Variants in LSS observed in about 807,000 individuals in gnomAD.
LSS encodes the protein lanosterol synthase, also known as 2,3-epoxysqualene-lanosterol cyclase.
LSS carries 90 observed loss-of-function variants against 110.3 expected under a neutral mutation model. The ratio of observed to expected loss-of-function variants is 0.82; its 90% CI spans 0.69 to 0.97. The LOEUF (loss-of-function observed/expected upper bound fraction) is 0.97, where lower values mean the gene tolerates loss of function less well. LSS is among the 50% of genes least tolerant of loss of function. The pLI, the probability that LSS is intolerant of heterozygous loss-of-function variation, is 0.00. For missense variants in LSS, 927 were observed against 990.0 expected (o/e 0.94, Z 0.85); for synonymous variants, 433 against 400.0 (o/e 1.08, Z -0.98).
chr21:46,199,841 A>T (rs2079957312), intron 17 of LSS, among the ~76,000 whole-genome samples: 1 of 152,236 alleles, frequency 6.6e-6, no homozygotes, highest in Admixed American at 6.5e-5. Context: ...GGGCAGTGAG[A>T]TCCTGTGTGA....
Position 46,209,682 on chromosome 21 carries a change from G to A in LSS, c.1195-57C>T, listed in dbSNP as rs1411949852. 4.0e-6 allele frequency: 6 copies of A among 1,493,556 alleles called. No homozygotes were observed. Among genetic ancestry groups the A allele is most frequent in the Non-Finnish European group, 5.5e-6 (6 of 1,087,366 alleles). The allele number at this position is 1,493,556 out of a possible 1,614,324, so 92.5% of individuals were successfully genotyped here. On this transcript the variant is annotated intron_variant, in intron 12 of 21. Transcript: ENST00000397728. The surrounding 1 kb of genome is among the most constrained non-coding windows in gnomAD (Gnocchi z 4.4). ...CTGCCCTTGCACGGCCAGCATGGCT[G>A]CGCTGGTTTCCCGATGGTCCTGGCC...
At chr21:46,218,485 G>A (rs572132087) in intron 6 of LSS, among the ~76,000 whole-genome samples, 88 of 152,048 alleles carry the variant, frequency 5.8e-4, no homozygotes, top group African/African-American at 2.0e-3. Context: ...TTAGCTGGGC[G>A]TGATGGCCTG....
chr21:46,205,457 G>C (rs1302511851), intron 17 of LSS, among the ~76,000 whole-genome samples: 1 of 152,190 alleles, frequency 6.6e-6, no homozygotes, highest in East Asian at 1.9e-4. Context: ...GTCTAATGCT[G>C]GCACTGTTCG....
rs145280705 is a variant in LSS at position 46,225,568 on chromosome 21, T to C, written c.319+1984A>G. ...CGGAGGCCTAACCATCTCCCTGTGA[T>C]GCTGTGCTTCAGTGGTCACGCTCCT... is the stretch of plus-strand genomic sequence containing the variant. On this transcript the variant is annotated intron_variant, in intron 3 of 21. Transcript: ENST00000397728. Among the ~76,000 whole-genome samples, 519 of 152,384 alleles carry C rather than the reference T, an allele frequency of 3.4e-3. 5 individuals carry two copies. The highest frequency in any genetic ancestry group is 0.012 in the African/African-American group (487 of 41,600).
At chr21:46,217,850 C>G (rs2080226650) in intron 6 of LSS, among the ~76,000 whole-genome samples, 1 of 152,168 alleles carries the variant, frequency 6.6e-6, no homozygotes. Context: ...GTCCAGCGGG[C>G]ATTTGAATGG....
chr21:46,228,627 A>T (rs759927260), intron 1 of LSS, 28 bp from the exon 2 acceptor site: 20 of 1,592,442 alleles, frequency 1.3e-5, no homozygotes, highest in Non-Finnish European at 1.7e-5. Context: ...TCAGCGACCC[A>T]GGCCCCGCCC....
rs772280727 is a variant in LSS, at chr21:46,205,935, A to G, written c.1571T>C (p.Ile524Thr). ...LLNPSEVFGDIMIDYTYVECT... is the reference protein window; with the variant it reads ...LLNPSEVFGDTMIDYTYVECT... ...CTCCACATAGGTGTAGTCAATCATG[A>G]TGTCCCCTGGGAAAGGGAGGGAAGA... The change falls in exon 17 of 22, where the codon ATC becomes ACC. Residue 524 changes from isoleucine (I) to threonine (T), a missense_variant. Coordinates refer to ENST00000397728, the MANE Select transcript of LSS (RefSeq NM_002340.6). The G allele has an allele frequency of 6.2e-7, 1 of 1,606,024 alleles. No homozygotes were observed. The highest frequency in any genetic ancestry group is 1.7e-5 in the Admixed American group (1 of 58,968).
At chr21:46,205,308 CAGG>C (rs958151329) in intron 17 of LSS, among the ~76,000 whole-genome samples, 3 of 133,084 alleles carry the variant, frequency 2.3e-5, no homozygotes, top group African/African-American at 5.8e-5. Flanking sequence ...AGCAGGAGAG[CAGG>C]AGAAGGCAAC....
intron 11 of LSS, 43 bp from the exon 12 acceptor site, chr21:46,210,787 C>G: frequency 1.3e-6 from 2 of 1,593,442 alleles, no homozygotes; most frequent in South Asian, 1.1e-5. Flanking sequence ...TGCAGCCCCT[C>G]CCACTCCCAG....
chr21:46,210,787 CCCACTCCCAG>C, intron 11 of LSS, 43 bp from the exon 12 acceptor site: 1 of 1,593,442 alleles, frequency 6.3e-7, no homozygotes, highest in Non-Finnish European at 8.6e-7. Flanking sequence ...TGCAGCCCCT[CCCACTCCCAG>C]CCACTGCCTC....
At chr21:46,202,915 T>C (rs2079998035) in intron 17 of LSS, among the ~76,000 whole-genome samples, 2 of 152,142 alleles carry the variant, frequency 1.3e-5, no homozygotes, top group South Asian at 4.1e-4. Context: ...AGCTTGGAAG[T>C]CACCAAAGAA....
At chr21:46,213,212 G>A (rs1304919560) in intron 10 of LSS, among the ~76,000 whole-genome samples, 160 bp from the exon 11 acceptor site, 1 of 152,172 alleles carries the variant, frequency 6.6e-6, no homozygotes, top group African/African-American at 2.4e-5. Context: ...CTGGGCTCCT[G>A]GGGGTGAGGG....
intron 17 of LSS, among the ~76,000 whole-genome samples, chr21:46,205,156 G>A (rs978196991): frequency 6.6e-6 from 1 of 152,204 alleles, no homozygotes; most frequent in Non-Finnish European, 1.5e-5. Flanking sequence ...GTTCACAGTA[G>A]ATGCTTCATA....
chr21:46,211,876 G>A (rs1039093201), intron 11 of LSS, among the ~76,000 whole-genome samples: 8 of 152,198 alleles, frequency 5.3e-5, no homozygotes, highest in African/African-American at 1.9e-4. Flanking sequence ...ACAACTGAAG[G>A]CCTGTGCAGG....
chr21:46,206,676 G>A lies in LSS; in HGVS notation c.1560C>T (p.Val520=), dbSNP rs2080052813. ...CAGTGCTGGCCGACCACTCACCGAAGACCTCCGAGGGGTTCAGCAGCTCCA... is the reference window on the plus strand; with the variant it reads ...CAGTGCTGGCCGACCACTCACCGAAAACCTCCGAGGGGTTCAGCAGCTCCA... The part of the protein sequence containing the change: ...HLLELLNPSE[V]FGDIMIDYTY... Residue 520 remains valine, a synonymous_variant, in exon 16 of 22, where the codon GTC becomes GTT. Transcript: ENST00000397728. The A allele has an allele frequency of 1.2e-6, 2 of 1,612,030 alleles. No homozygotes were observed. Among genetic ancestry groups the A allele is most frequent in the East Asian group, 4.5e-5 (2 of 44,866 alleles).
At chr21:46,211,373 C>T (rs762183102) in intron 11 of LSS, among the ~76,000 whole-genome samples, 1 of 152,184 alleles carries the variant, frequency 6.6e-6, no homozygotes, top group African/African-American at 2.4e-5. Flanking sequence ...TTGTGATCCG[C>T]CCACCTTGGC....
chr21:46,213,142 G>A, intron 10 of LSS, 90 bp from the exon 11 acceptor site: 2 of 1,271,660 alleles, frequency 1.6e-6, no homozygotes, highest in Non-Finnish European at 2.3e-6. Flanking sequence ...GGGTCCCAGA[G>A]AGGCCGTCTG....
chr21:46,194,395 CCT>C, intron 20 of LSS, 94 bp downstream of exon 20: 1 of 1,447,870 alleles, frequency 6.9e-7, no homozygotes, highest in Non-Finnish European at 9.4e-7. Flanking sequence ...GGCCTCCCCT[CCT>C]CTCTACATTC....
chr21:46,222,513 C>A lies in LSS; in HGVS notation c.428+117G>T. 3.5e-6 allele frequency: 3 copies of A among 857,154 alleles called. No homozygotes were observed. In the East Asian group the frequency reaches 8.1e-5, roughly 23 times the overall value. The allele number at this position is 857,154 out of a possible 1,614,324, so 53.1% of individuals were successfully genotyped here. A position where few individuals can be genotyped will look rare whatever the true frequency, so the allele number is the denominator to read the frequency against. On this transcript the variant is annotated intron_variant, in intron 4 of 21. Coordinates refer to ENST00000397728, the MANE Select transcript of LSS (RefSeq NM_002340.6). The stretch of plus-strand genomic sequence containing the variant: ...GCTAGTCTCTCCCTCACCCACCCCA[C>A]ACCCACAGCTGCAATCACTCCTAAC...
Sources: gnomAD v4.1 joint callset for allele counts (sites outside exome capture counted in the v4.1 genomes callset) on GRCh38, gnomAD v4.1.1 for gene constraint, Gnocchi (gnomAD v3.1) non-coding constraint, MANE v1.5 for transcripts, NCBI Gene and HGNC (gene_info 2026-07-23, HGNC 2026-07-21) for gene names.